The following FARP1 variants were observed in gnomAD, a reference collection of about 807,000 sequenced individuals.
The protein encoded by FARP1 is FERM, ARH/RhoGEF and pleckstrin domain protein 1.
A neutral mutation model predicts 128.8 loss-of-function variants in FARP1; 52 were observed. The ratio of observed to expected loss-of-function variants is 0.40; its 90% CI spans 0.32 to 0.51. The LOEUF (loss-of-function observed/expected upper bound fraction) is 0.51. Among genes scored for constraint, FARP1 ranks in the 20% least tolerant of loss-of-function variants. The pLI, the probability that FARP1 is intolerant of heterozygous loss-of-function variation, is 0.45. For missense variants in FARP1, 1,333 were observed against 1,367.9 expected, an observed-to-expected ratio of 0.97 and a Z score of 0.40; for synonymous variants, 580 against 551.8, an observed-to-expected ratio of 1.05 and a Z score of -0.72.
chr13:98,351,567 A>G lies in FARP1; in HGVS notation c.276+7701A>G, dbSNP rs745451048. On this transcript the variant is annotated intron_variant, in intron 3 of 26. Transcript: ENST00000319562. Reference sequence around the variant, plus strand: ...GCGGAGCTCGCAGTGAGCTGAGATCACGCCACTGCTCTCCAGCCTGGGCAA... The same window carrying G: ...GCGGAGCTCGCAGTGAGCTGAGATCGCGCCACTGCTCTCCAGCCTGGGCAA... Among the ~76,000 whole-genome samples, 158 of 151,334 alleles carry G rather than the reference A, an allele frequency of 1.0e-3. 1 individual carries two copies. Among genetic ancestry groups the G allele is most frequent in the Non-Finnish European group, 2.0e-3 (133 of 67,806 alleles).
At chr13:98,413,455 T>G (rs1594508019) in intron 16 of FARP1, among the ~76,000 whole-genome samples, 1 of 151,606 alleles carries the variant, frequency 6.6e-6, no homozygotes, top group African/African-American at 2.4e-5. Context: ...AGGCCAGGAG[T>G]TCGAGAGCAG....
intron 1 of FARP1, among the ~76,000 whole-genome samples, chr13:98,191,556 A>G (rs1879227633): frequency 6.6e-6 from 1 of 152,250 alleles, no homozygotes; most frequent in South Asian, 2.1e-4. Context: ...CATCTCAATT[A>G]TGAAAGCATT....
At chr13:98,296,887 A>T (rs1023251193) in intron 2 of FARP1, among the ~76,000 whole-genome samples, 5 of 151,988 alleles carry the variant, frequency 3.3e-5, no homozygotes, top group African/African-American at 9.7e-5. Flanking sequence ...GTGTCACTAC[A>T]TTGCCCAGGC....
rs61730897 is a variant in FARP1 at position 98,446,710 on chromosome 13, C to T, written c.2949C>T (p.Leu983=). The T allele has an allele frequency of 2.7e-3, 4,283 of 1,614,190 alleles. 105 individuals are homozygous for T. In the African/African-American group the frequency reaches 0.047, roughly 18 times the overall value. ...LASLPLLGYS[L]TIPSESENIQ... ...GCCTGCCTCTGCTCGGCTACTCGCT[C>T]ACCATCCCCTCTGAGTCCGAGAACA... is the stretch of plus-strand genomic sequence containing the variant. Residue 983 remains leucine, a synonymous_variant, in exon 26 of 27, where the codon CTC becomes CTT. Transcript: ENST00000319562.
At position 98,378,350 on chromosome 13, in the gene FARP1, C is replaced by T. The variant is rs914703067; in HGVS notation, c.496+432C>T. Among the ~76,000 whole-genome samples the T allele has an allele frequency of 2.4e-4, 37 of 152,264 alleles. 2 individuals carry two copies. In the East Asian group the frequency reaches 2.5e-3, roughly 10 times the overall value. ...TTTTTGCTCTTCAGAATTCAGTAAA[C>T]CAAGACTCATGCTGGATTAATGGAG... On this transcript the variant is annotated intron_variant, in intron 6 of 26. Coordinates refer to ENST00000319562, the MANE Select transcript of FARP1 (RefSeq NM_005766.4).
intron 13 of FARP1, chr13:98,396,721 A>C (rs897266779): frequency 7.7e-5 from 29 of 376,674 alleles, no homozygotes; most frequent in African/African-American, 6.0e-4. Flanking sequence ...ATAAACAGCA[A>C]GTCCTAATGA....
intron 2 of FARP1, among the ~76,000 whole-genome samples, chr13:98,274,249 G>A (rs551038841): frequency 7.3e-6 from 1 of 136,550 alleles, no homozygotes; most frequent in East Asian, 2.4e-4. Context: ...ATATCCCCAG[G>A]TTATACAGAG....
chr13:98,209,206 C>T (rs1408638341), intron 1 of FARP1, among the ~76,000 whole-genome samples: 9 of 151,978 alleles, frequency 5.9e-5, no homozygotes, highest in South Asian at 4.1e-4. Flanking sequence ...GACAGGGTTT[C>T]GCCGTGTTGT....
chr13:98,221,717 C>G (rs577339536), intron 2 of FARP1, among the ~76,000 whole-genome samples: 1 of 152,186 alleles, frequency 6.6e-6, no homozygotes, highest in South Asian at 2.1e-4. Context: ...TTCCATTTTC[C>G]TAGAGTCAGG....
intron 2 of FARP1, among the ~76,000 whole-genome samples, chr13:98,327,521 T>C (rs2139812790): frequency 6.6e-6 from 1 of 152,358 alleles, no homozygotes; most frequent in African/African-American, 2.4e-5. Context: ...CAATGGAATG[T>C]GCTAAATCTC....
At position 98,365,377 on chromosome 13, in the gene FARP1, T is replaced by A; in HGVS notation, c.277-18T>A. The stretch of plus-strand genomic sequence containing the variant: ...CATTGAGAACTTAGGTCTTAATCTG[T>A]TCTTTTTTCCCTTCTAGGTGTGGCT... On this transcript the variant is annotated intron_variant, in intron 3 of 26. Transcript: ENST00000319562. 1.2e-6 allele frequency: 2 copies of A among 1,602,068 alleles called. No homozygotes were observed. The highest frequency in any genetic ancestry group is 2.2e-5 in the South Asian group (2 of 90,742).
At chr13:98,254,008 GA>G (rs1883473915) in intron 2 of FARP1, among the ~76,000 whole-genome samples, 1 of 152,130 alleles carries the variant, frequency 6.6e-6, no homozygotes. Flanking sequence ...ATACAGCTTT[GA>G]AAATACCACT....
chr13:98,263,865 CCAA>C (rs950530603), intron 2 of FARP1, among the ~76,000 whole-genome samples: 1 of 152,200 alleles, frequency 6.6e-6, no homozygotes, highest in Non-Finnish European at 1.5e-5. Context: ...TGCTCCCCCC[CCAA>C]CAACATTTTA....
At chr13:98,439,910 T>G in intron 21 of FARP1, 51 bp from the exon 22 acceptor site, 2 of 1,315,372 alleles carry the variant, frequency 1.5e-6, no homozygotes, top group Non-Finnish European at 2.1e-6. Context: ...TCAGGGATGT[T>G]TGGAAGTGCA....
chr13:98,373,238 T>G (rs1173570128), intron 5 of FARP1, among the ~76,000 whole-genome samples: 11 of 152,204 alleles, frequency 7.2e-5, no homozygotes, highest in Non-Finnish European at 1.5e-4. Flanking sequence ...CCCATGCGTT[T>G]GTCCCTGAAA....
chr13:98,248,800 G>T (rs998935824), intron 2 of FARP1, among the ~76,000 whole-genome samples: 11 of 151,918 alleles, frequency 7.2e-5, no homozygotes, highest in African/African-American at 2.4e-4. Flanking sequence ...GCCGTGATTT[G>T]TTTGCGTTTT....
chr13:98,241,393 G>A (rs1566784190), intron 2 of FARP1, among the ~76,000 whole-genome samples: 1 of 152,142 alleles, frequency 6.6e-6, no homozygotes, highest in Non-Finnish European at 1.5e-5. Context: ...TGTTGCACAC[G>A]ATGGGGTGGA....
chr13:98,330,128 G>A (rs1489424718), intron 2 of FARP1: 1 of 152,612 alleles, frequency 6.6e-6, no homozygotes, highest in Non-Finnish European at 1.5e-5. Flanking sequence ...CTGTGCAAAG[G>A]CCTGGAGGTG....
At chr13:98,219,092 G>C (rs1313328083) in intron 2 of FARP1, among the ~76,000 whole-genome samples, 1 of 152,052 alleles carries the variant, frequency 6.6e-6, no homozygotes, top group African/African-American at 2.4e-5. Context: ...TGAAACCTAG[G>C]TTTGAGATCA....
Sources: allele counts gnomAD v4.1 joint callset (sites outside exome capture counted in the v4.1 genomes callset), GRCh38; gene constraint gnomAD v4.1.1; transcripts MANE v1.5; gene names NCBI Gene and HGNC (gene_info 2026-07-23, HGNC 2026-07-21).